The following MAP2K4 variants were observed in gnomAD, a reference collection of about 807,000 sequenced individuals.
MAP2K4 encodes the protein mitogen-activated protein kinase kinase 4, also known as dual specificity mitogen-activated protein kinase kinase 4.
In MAP2K4, 4 loss-of-function variants were observed where a neutral mutation model predicts 48.5. That is an observed-to-expected ratio of 0.08 (90% CI 0.04 to 0.19). MAP2K4 has a LOEUF of 0.19. Ranked by LOEUF, MAP2K4 falls within the 10% of genes least tolerant of loss-of-function variation. The pLI, the probability that MAP2K4 is intolerant of heterozygous loss-of-function variation, is 1.00. For synonymous variants in MAP2K4, 166 were observed against 173.1 expected, an observed-to-expected ratio of 0.96 and a Z score of 0.32; for missense variants, 258 against 493.3, an observed-to-expected ratio of 0.52 and a Z score of 4.52.
At chr17:12,125,240 C>T (rs2151587432) in intron 7 of MAP2K4, 54 bp from the exon 8 acceptor site, 2 of 1,346,306 alleles carry the variant, frequency 1.5e-6, no homozygotes, top group Non-Finnish European at 2.1e-6. Flanking sequence ...CTTCCATTTG[C>T]CTATTCCTTG....
intron 3 of MAP2K4, 44 bp from the exon 4 acceptor site, chr17:12,095,530 CA>C (rs774889324): frequency 6.2e-7 from 1 of 1,609,934 alleles, no homozygotes; most frequent in East Asian, 2.2e-5. Flanking sequence ...GTGTTTTTGA[CA>C]AAATTATTGT....
intron 1 of MAP2K4, among the ~76,000 whole-genome samples, chr17:12,031,676 C>T (rs1969441349): frequency 6.6e-6 from 1 of 152,144 alleles, no homozygotes; most frequent in Non-Finnish European, 1.5e-5. Flanking sequence ...TTCTAAAGTA[C>T]TCAGCTTTCT....
In MAP2K4 at chr17:12,107,928, A is replaced by T; in HGVS notation, c.633+19A>T. On this transcript the variant is annotated intron_variant, in intron 5 of 10. Transcript: ENST00000353533. ...TTTAGCAGTAAGTACCTGGTCTTTAAATTATTCATTGTGTATATAGTTATA... is the reference window on the plus strand; with the variant it reads ...TTTAGCAGTAAGTACCTGGTCTTTATATTATTCATTGTGTATATAGTTATA... 6.4e-7 allele frequency: 1 copy of T among 1,574,436 alleles called. No homozygotes were observed. Among genetic ancestry groups the T allele is most frequent in the East Asian group, 2.3e-5 (1 of 43,750 alleles).
chr17:12,098,477 CAAA>C (rs59838219), intron 4 of MAP2K4, among the ~76,000 whole-genome samples: 4 of 86,780 alleles, frequency 4.6e-5, no homozygotes, highest in Non-Finnish European at 4.7e-5. Context: ...GACTCCATCT[CAAA>C]AAAAAAAAAA....
At chr17:12,085,270 G>A (rs903007784) in intron 3 of MAP2K4, among the ~76,000 whole-genome samples, 4 of 152,132 alleles carry the variant, frequency 2.6e-5, no homozygotes, top group Non-Finnish European at 4.4e-5. Context: ...AATCTGAATT[G>A]TTGTGTGAAG....
intron 9 of MAP2K4, among the ~76,000 whole-genome samples, chr17:12,135,687 C>T (rs1379857434): frequency 6.6e-6 from 1 of 151,794 alleles, no homozygotes; most frequent in South Asian, 2.1e-4. Context: ...GTAGCTGGGA[C>T]TACAGGCACG....
chr17:12,132,493 A>G (rs952641272), intron 9 of MAP2K4, among the ~76,000 whole-genome samples: 3 of 152,184 alleles, frequency 2.0e-5, no homozygotes, highest in Non-Finnish European at 2.9e-5. Context: ...CTATTTCTAT[A>G]TGAAAGTTAA....
chr17:12,101,806 A>T (rs1199776938), intron 4 of MAP2K4, among the ~76,000 whole-genome samples: 5 of 152,078 alleles, frequency 3.3e-5, no homozygotes, highest in African/African-American at 1.2e-4. Flanking sequence ...TTTTAAATTT[A>T]ATTTTCTCAT....
At chr17:12,035,935 A>G (rs1351164374) in intron 1 of MAP2K4, among the ~76,000 whole-genome samples, 1 of 152,128 alleles carries the variant, frequency 6.6e-6, no homozygotes, top group African/African-American at 2.4e-5. Flanking sequence ...TAATCACTTT[A>G]TTACAGTTGC....
intron 2 of MAP2K4, among the ~76,000 whole-genome samples, chr17:12,066,141 T>C (rs1484796561): frequency 1.3e-5 from 2 of 151,944 alleles, no homozygotes; most frequent in African/African-American, 4.8e-5. Flanking sequence ...TCTTTCTTTT[T>C]TTTTTTTTAA....
chr17:12,102,261 A>G (rs191256154), intron 4 of MAP2K4, among the ~76,000 whole-genome samples: 23 of 152,136 alleles, frequency 1.5e-4, no homozygotes, highest in Admixed American at 4.6e-4. Context: ...GATCCTTGAG[A>G]TGTTTTTGAG....
Position 12,052,652 on chromosome 17 carries a change from C to T in MAP2K4, c.116-2237C>T, listed in dbSNP as rs576023153. Among the ~76,000 whole-genome samples, 6 of 152,170 alleles carry T rather than the reference C, an allele frequency of 3.9e-5. No homozygotes were observed. In the South Asian group the frequency reaches 8.3e-4, roughly 21 times the overall value. On this transcript the variant is annotated intron_variant, in intron 1 of 10. Transcript: ENST00000353533. Reference sequence around the variant, plus strand: ...AGTCTTATATTAATTTTTCTTCACACGGAGGTAATGGATGATGTGCCAGAT... The same window carrying T: ...AGTCTTATATTAATTTTTCTTCACATGGAGGTAATGGATGATGTGCCAGAT...
At chr17:12,110,910 G>T (rs1972284019) in intron 6 of MAP2K4, 1 of 154,746 alleles carries the variant, frequency 6.5e-6, no homozygotes, top group African/African-American at 2.4e-5. Flanking sequence ...TGTTGTATTT[G>T]TGTAAACAGT....
At chr17:12,064,658 A>G (rs1357915222) in intron 2 of MAP2K4, among the ~76,000 whole-genome samples, 3 of 149,962 alleles carry the variant, frequency 2.0e-5, no homozygotes, top group Non-Finnish European at 4.4e-5. Flanking sequence ...AAACTCTGCT[A>G]GGTTTTTAAT....
intron 7 of MAP2K4, chr17:12,124,444 AAC>A (rs1480150693): frequency 6.6e-6 from 1 of 152,212 alleles, no homozygotes; most frequent in Non-Finnish European, 1.5e-5. Context: ...ACAAATGACT[AAC>A]AGACAAATAT....
At position 12,068,308 on chromosome 17, in the gene MAP2K4, T is replaced by C. The variant is rs969526624; in HGVS notation, c.219-13048T>C. ...AAAAGTTGTAAGTAGGTCAGTGATT[T>C]ACAATTTAAACTGATTATTTACAGT... On this transcript the variant is annotated intron_variant, in intron 2 of 10. Coordinates refer to ENST00000353533, the MANE Select transcript of MAP2K4 (RefSeq NM_003010.4). 3.3e-5 allele frequency among the ~76,000 whole-genome samples: 5 copies of C among 152,188 alleles called. No individual in the cohort carries two copies. The South Asian group carries it at 1.0e-3, about 32-fold the overall frequency.
At chr17:12,118,741 G>A (rs1208618907) in intron 7 of MAP2K4, among the ~76,000 whole-genome samples, 1 of 152,192 alleles carries the variant, frequency 6.6e-6, no homozygotes, top group Non-Finnish European at 1.5e-5. Flanking sequence ...ACAGAGGTGT[G>A]GGTGTGGAAG....
intron 2 of MAP2K4, chr17:12,069,618 T>C (rs1055988036): frequency 1.5e-6 from 1 of 665,840 alleles, no homozygotes; most frequent in African/African-American, 2.0e-5. Flanking sequence ...GCCATTCTTC[T>C]GGACATTTCA....
At chr17:12,104,771 C>A (rs1459585194) in intron 4 of MAP2K4, among the ~76,000 whole-genome samples, 1 of 151,808 alleles carries the variant, frequency 6.6e-6, no homozygotes, top group African/African-American at 2.4e-5. Context: ...CAGGTCTTAT[C>A]CTTTGTGATT....
Sources: allele counts gnomAD v4.1 joint callset (sites outside exome capture counted in the v4.1 genomes callset), GRCh38; gene constraint gnomAD v4.1.1; transcripts MANE v1.5; gene names NCBI Gene and HGNC (gene_info 2026-07-23, HGNC 2026-07-21).